IL20RB: variants seen among roughly 807,000 people sequenced by gnomAD.
IL20RB encodes the protein interleukin 20 receptor subunit beta, also known as interleukin-20 receptor subunit beta.
Under a neutral mutation model 33.3 loss-of-function variants are expected in IL20RB, and 21 were observed. The ratio of observed to expected loss-of-function variants is 0.63; its 90% CI spans 0.45 to 0.91. The LOEUF (loss-of-function observed/expected upper bound fraction) is 0.91, where lower values mean the gene tolerates loss of function less well. Among genes scored for constraint, IL20RB ranks in the 40% least tolerant of loss-of-function variants. The pLI, the probability that IL20RB is intolerant of heterozygous loss-of-function variation, is 0.00. For missense variants in IL20RB, 345 were observed against 384.8 expected, an observed-to-expected ratio of 0.90 and a Z score of 0.86; for synonymous variants, 147 against 146.8, an observed-to-expected ratio of 1.00 and a Z score of -0.01.
intron 1 of IL20RB, among the ~76,000 whole-genome samples, chr3:136,962,549 C>T (rs750378191): frequency 2.0e-5 from 3 of 152,024 alleles, no homozygotes; most frequent in Non-Finnish European, 2.9e-5. Context: ...GTCAGGAGAT[C>T]GAGACCATCC....
At chr3:136,966,800 T>A (rs1941363607) in intron 1 of IL20RB, among the ~76,000 whole-genome samples, 1 of 47,082 alleles carries the variant, frequency 2.1e-5, no homozygotes, top group Non-Finnish European at 3.8e-5. Context: ...GGGTGTCAAT[T>A]TTGGATCTTT....
At chr3:136,962,552 G>C (rs1395321801) in intron 1 of IL20RB, among the ~76,000 whole-genome samples, 1 of 152,138 alleles carries the variant, frequency 6.6e-6, no homozygotes, top group Admixed American at 6.5e-5. Context: ...AGGAGATCGA[G>C]ACCATCCTGG....
intron 2 of IL20RB, among the ~76,000 whole-genome samples, chr3:136,981,707 C>A (rs75977): frequency 0.47 from 70,766 of 152,010 alleles, 16,990 homozygotes; most frequent in East Asian, 0.7. Context: ...TATCACGCTT[C>A]GGAGCAGAGT....
At position 136,982,149 on chromosome 3, in the gene IL20RB, C is replaced by T. The variant is rs750873755; in HGVS notation, c.216-11C>T. 7.8e-6 allele frequency: 12 copies of T among 1,540,296 alleles called. No individual in the cohort carries two copies. The Admixed American group carries it at 2.0e-4, about 26-fold the overall frequency. On this transcript the variant is annotated splice_polypyrimidine_tract_variant and intron_variant, in intron 2 of 6. Transcript: ENST00000329582. ...GGCTGGTGTAACTCTGTGCCCTCCT[C>T]TCTTTGACAGGGAGTACGAGAGCCT...
intron 1 of IL20RB, among the ~76,000 whole-genome samples, chr3:136,975,673 G>T (rs1012700877): frequency 6.6e-6 from 1 of 152,146 alleles, no homozygotes; most frequent in Non-Finnish European, 1.5e-5. Context: ...TGGCTGCAGC[G>T]TTAGTAGTAT....
chr3:136,961,599 T>A (rs1241647839), intron 1 of IL20RB, among the ~76,000 whole-genome samples: 1 of 151,958 alleles, frequency 6.6e-6, no homozygotes, highest in East Asian at 1.9e-4. Flanking sequence ...TAAAAAAGGA[T>A]GAGGGCCTAA....
At chr3:136,960,194 C>G (rs1268930796) in intron 1 of IL20RB, among the ~76,000 whole-genome samples, 1 of 114,512 alleles carries the variant, frequency 8.7e-6, no homozygotes, top group Non-Finnish European at 1.6e-5. Context: ...TGTCGCCAGG[C>G]TGGAGTGCAG....
At chr3:136,959,088 G>A (rs1267389819) in intron 1 of IL20RB, 1 of 152,148 alleles carries the variant, frequency 6.6e-6, no homozygotes, top group African/African-American at 2.4e-5. Context: ...TTCTTTCCTA[G>A]CTTAAAAACC....
chr3:136,987,869 C>T (rs1169636004), intron 3 of IL20RB, among the ~76,000 whole-genome samples: 3 of 152,172 alleles, frequency 2.0e-5, no homozygotes, highest in African/African-American at 4.8e-5. Flanking sequence ...CAGGGCCGGC[C>T]GGCTGCTCCG....
chr3:136,974,766 A>T (rs916822304), intron 1 of IL20RB, among the ~76,000 whole-genome samples: 2 of 152,150 alleles, frequency 1.3e-5, no homozygotes, highest in African/African-American at 4.8e-5. Context: ...CATAAATTCA[A>T]TTGCTTTGTG....
chr3:137,003,751 C>T (rs551139393), intron 6 of IL20RB, among the ~76,000 whole-genome samples: 39 of 152,250 alleles, frequency 2.6e-4, no homozygotes, highest in African/African-American at 9.4e-4. Flanking sequence ...AATTGAGTAC[C>T]CTTTATTTCC....
At chr3:136,980,361 C>T (rs1941739484) in intron 1 of IL20RB, 105 bp from the exon 2 acceptor site, 1 of 1,330,558 alleles carries the variant, frequency 7.5e-7, no homozygotes, top group Non-Finnish European at 1.1e-6. Flanking sequence ...TCTCAGCTTA[C>T]TGCAACCTCC....
intron 3 of IL20RB, among the ~76,000 whole-genome samples, chr3:136,985,082 C>T (rs759141177): frequency 1.2e-4 from 19 of 152,234 alleles, no homozygotes; most frequent in South Asian, 8.3e-4. Context: ...CTTGTACTTA[C>T]GAAGGCCTGT....
intron 3 of IL20RB, among the ~76,000 whole-genome samples, chr3:136,989,128 T>A (rs767834623): frequency 6.6e-6 from 1 of 152,226 alleles, no homozygotes; most frequent in Non-Finnish European, 1.5e-5. Flanking sequence ...CTGGAGTTTT[T>A]AATCACTTTT....
At chr3:136,991,342 T>A (rs1244548631) in intron 4 of IL20RB, among the ~76,000 whole-genome samples, 1 of 152,168 alleles carries the variant, frequency 6.6e-6, no homozygotes, top group Non-Finnish European at 1.5e-5. Flanking sequence ...TGATGTGTAT[T>A]TTTTTATAGT....
intron 3 of IL20RB, among the ~76,000 whole-genome samples, chr3:136,988,488 C>T (rs1053847625): frequency 2.0e-5 from 3 of 152,040 alleles, no homozygotes; most frequent in African/African-American, 7.3e-5. Flanking sequence ...TCCTGTAATC[C>T]CAGCACTTTG....
Position 136,977,534 on chromosome 3 carries a change from A to AT in IL20RB, c.89-2923dup, listed in dbSNP as rs1362378141. Among the ~76,000 whole-genome samples the AT allele has an allele frequency of 6.6e-5, 10 of 151,432 alleles. No individual in the cohort carries two copies. In the East Asian group the frequency reaches 1.6e-3, roughly 24 times the overall value. On this transcript the variant is annotated intron_variant, in intron 1 of 6. Transcript: ENST00000329582. ...TTTGTTGCTGGTATATAGAAATATA[A>AT]TTTTTTTTTGAGATGGAGTCTTGCT... is the stretch of plus-strand genomic sequence containing the variant.
At chr3:137,005,620 T>C (rs1942335163) in intron 6 of IL20RB, among the ~76,000 whole-genome samples, 1 of 152,216 alleles carries the variant, frequency 6.6e-6, no homozygotes, top group Non-Finnish European at 1.5e-5. Context: ...ATTTGCTTGG[T>C]AGATCTTCCT....
chr3:136,994,205 A>C (rs1394636460), intron 5 of IL20RB, among the ~76,000 whole-genome samples: 1 of 152,174 alleles, frequency 6.6e-6, no homozygotes, highest in African/African-American at 2.4e-5. Context: ...AAGACCTACT[A>C]TTTGATAGCA....
Sources: allele counts gnomAD v4.1 joint callset (sites outside exome capture counted in the v4.1 genomes callset), GRCh38; gene constraint gnomAD v4.1.1; transcripts MANE v1.5; gene names NCBI Gene and HGNC (gene_info 2026-07-23, HGNC 2026-07-21).